The following PHLPP1 variants were observed in gnomAD, a reference collection of about 807,000 sequenced individuals.
The protein encoded by PHLPP1 is PH domain leucine-rich repeat-containing protein phosphatase 1.
A neutral mutation model predicts 117.2 loss-of-function variants in PHLPP1; 42 were observed. That is an observed-to-expected ratio of 0.36 (90% CI 0.28 to 0.46). The LOEUF (loss-of-function observed/expected upper bound fraction) is 0.46, where lower values mean the gene tolerates loss of function less well. Among genes scored for constraint, PHLPP1 ranks in the 20% least tolerant of loss-of-function variants. The pLI, the probability that PHLPP1 is intolerant of heterozygous loss-of-function variation, is 1.00. For missense variants in PHLPP1, 2,084 were observed against 2,241.9 expected, an observed-to-expected ratio of 0.93 and a Z score of 1.42; for synonymous variants, 1,042 against 970.7, an observed-to-expected ratio of 1.07 and a Z score of -1.37.
chr18:62,821,270 A>G (rs991855137), intron 1 of PHLPP1, among the ~76,000 whole-genome samples: 4 of 152,232 alleles, frequency 2.6e-5, no homozygotes, highest in Admixed American at 6.5e-5. Context: ...TCTTTAAAAA[A>G]GAAAAAATAT....
chr18:62,895,655 T>C, intron 5 of PHLPP1, 126 bp from the exon 6 acceptor site: 1 of 648,154 alleles, frequency 1.5e-6, no homozygotes, highest in Non-Finnish European at 2.7e-6. Context: ...GGCCCTGCCC[T>C]TAGGCATTTT....
At chr18:62,879,805 G>A (rs1916133681) in intron 4 of PHLPP1, among the ~76,000 whole-genome samples, 2 of 152,148 alleles carry the variant, frequency 1.3e-5, no homozygotes, top group African/African-American at 4.8e-5. Context: ...CAGTGATGGG[G>A]CCCAAGAATC....
intron 3 of PHLPP1, among the ~76,000 whole-genome samples, chr18:62,847,599 TGTAAG>T (rs1915214434): frequency 1.3e-5 from 2 of 152,260 alleles, no homozygotes; most frequent in Non-Finnish European, 2.9e-5. Flanking sequence ...TAAGGGCCCT[TGTAAG>T]GTAGTTGACA....
At chr18:62,795,492 CAAAAAAAAAAA>C (rs11291832) in intron 1 of PHLPP1, among the ~76,000 whole-genome samples, 2 of 61,400 alleles carry the variant, frequency 3.3e-5, no homozygotes, top group South Asian at 1.2e-3. Context: ...GACTCCATCT[CAAAAAAAAAAA>C]AAAAAAAAAA....
intron 1 of PHLPP1, among the ~76,000 whole-genome samples, chr18:62,734,236 C>T (rs911500567): frequency 6.6e-6 from 1 of 151,888 alleles, no homozygotes. Context: ...ATACGTACAC[C>T]ACATTCATGT....
chr18:62,752,661 C>T (rs1020958630), intron 1 of PHLPP1, among the ~76,000 whole-genome samples: 2 of 152,138 alleles, frequency 1.3e-5, no homozygotes, highest in East Asian at 1.9e-4. Context: ...AGTTCTGTAA[C>T]CCAAGGGAAG....
At chr18:62,887,153 T>C (rs1599102837) in intron 4 of PHLPP1, among the ~76,000 whole-genome samples, 1 of 152,286 alleles carries the variant, frequency 6.6e-6, no homozygotes, top group South Asian at 2.1e-4. Context: ...GTGATAGATA[T>C]TTATTTATAT....
At chr18:62,804,802 C>T (rs543840258) in intron 1 of PHLPP1, among the ~76,000 whole-genome samples, 10 of 148,338 alleles carry the variant, frequency 6.7e-5, no homozygotes, top group Non-Finnish European at 1.5e-4. Context: ...CATATACATA[C>T]ACACAGTATA....
chr18:62,848,455 ATTTTTTTTTTTTTT>A (rs56223512), intron 3 of PHLPP1, among the ~76,000 whole-genome samples: 2 of 88,518 alleles, frequency 2.3e-5, no homozygotes, highest in South Asian at 8.1e-4. Context: ...TTTTTTGTTG[ATTTTTTTTTTTTTT>A]TTTTTTTTTT....
At chr18:62,944,246 G>C (rs1425176602) in intron 11 of PHLPP1, among the ~76,000 whole-genome samples, 2 of 152,164 alleles carry the variant, frequency 1.3e-5, no homozygotes, top group Non-Finnish European at 2.9e-5. Context: ...AAAAGTGCCA[G>C]ATACTATTAC....
intron 1 of PHLPP1, among the ~76,000 whole-genome samples, chr18:62,736,374 C>T (rs898161221): frequency 1.3e-5 from 2 of 152,210 alleles, no homozygotes; most frequent in East Asian, 3.9e-4. Context: ...GTGGTTCAGG[C>T]GAGACACTGA....
At chr18:62,957,455 T>C (rs190937950) in intron 12 of PHLPP1, among the ~76,000 whole-genome samples, 2,884 of 145,496 alleles carry the variant, frequency 0.02, 93 homozygotes, top group African/African-American at 0.067. Context: ...ACTCAGCCCC[T>C]TTTTTTTTTT....
At chr18:62,860,316 A>G (rs761621540) in intron 3 of PHLPP1, 119 bp from the exon 4 acceptor site, 1 of 807,688 alleles carries the variant, frequency 1.2e-6, no homozygotes, top group Non-Finnish European at 2.0e-6. Flanking sequence ...TTATATTTGG[A>G]CTAACAGTGC....
chr18:62,903,208 A>G (rs1166095980), intron 7 of PHLPP1, 42 bp downstream of exon 7: 2 of 1,294,032 alleles, frequency 1.5e-6, no homozygotes, highest in Non-Finnish European at 2.2e-6. Flanking sequence ...TTTTGGTTCC[A>G]GGAATTTACC....
chr18:62,826,608 T>C (rs371139784), intron 1 of PHLPP1, among the ~76,000 whole-genome samples: 1 of 152,186 alleles, frequency 6.6e-6, no homozygotes, highest in Non-Finnish European at 1.5e-5. Flanking sequence ...ATAACGGACA[T>C]TAGATGCTCT....
At chr18:62,852,308 G>C (rs1246123935) in intron 3 of PHLPP1, among the ~76,000 whole-genome samples, 1 of 151,934 alleles carries the variant, frequency 6.6e-6, no homozygotes, top group African/African-American at 2.4e-5. Context: ...GCTTTTATTG[G>C]AACATTATGA....
chr18:62,857,000 A>C (rs1382418925), intron 3 of PHLPP1, among the ~76,000 whole-genome samples: 1 of 152,056 alleles, frequency 6.6e-6, no homozygotes. Flanking sequence ...AAGAAAGCTT[A>C]ATAGGGGAGG....
chr18:62,861,912 A>T (rs1915641370), intron 4 of PHLPP1, among the ~76,000 whole-genome samples: 1 of 152,180 alleles, frequency 6.6e-6, no homozygotes, highest in South Asian at 2.1e-4. Context: ...AGATCCATTG[A>T]TCTGACTTGC....
chr18:62,717,483 A>G (rs1470882394), intron 1 of PHLPP1, among the ~76,000 whole-genome samples: 1 of 152,142 alleles, frequency 6.6e-6, no homozygotes, highest in African/African-American at 2.4e-5. Context: ...TTGGAAAGCA[A>G]TGTGAAAGAG....
Sources: allele counts gnomAD v4.1 joint callset (sites outside exome capture counted in the v4.1 genomes callset), GRCh38; gene constraint gnomAD v4.1.1; transcripts MANE v1.5; gene names NCBI Gene and HGNC (gene_info 2026-07-23, HGNC 2026-07-21).